FTO: variants seen among roughly 807,000 people sequenced by gnomAD.
The protein encoded by FTO is alpha-ketoglutarate-dependent dioxygenase FTO.
FTO carries 47 observed loss-of-function variants against 63.9 expected under a neutral mutation model. The ratio of observed to expected loss-of-function variants is 0.74; its 90% CI spans 0.58 to 0.94. The LOEUF (loss-of-function observed/expected upper bound fraction) is 0.94, where lower values mean the gene tolerates loss of function less well. FTO is among the 40% of genes least tolerant of loss of function. The pLI, the probability that FTO is intolerant of heterozygous loss-of-function variation, is 0.00. For missense variants in FTO, 562 were observed against 618.1 expected (o/e 0.91, Z 0.96); for synonymous variants, 207 against 224.4 (o/e 0.92, Z 0.69).
At chr16:53,806,860 T>G (rs756280566) in intron 1 of FTO, among the ~76,000 whole-genome samples, 1 of 152,170 alleles carries the variant, frequency 6.6e-6, no homozygotes, top group Non-Finnish European at 1.5e-5. Context: ...TGCATTTGAA[T>G]TTTGAAAGGA....
intron 8 of FTO, chr16:53,985,098 G>A (rs1283388698): frequency 5.3e-6 from 2 of 377,852 alleles, no homozygotes; most frequent in Non-Finnish European, 1.1e-5. Flanking sequence ...TGTGTAGGGA[G>A]GGGCTGGGGG....
chr16:53,717,785 G>A (rs560952411), intron 1 of FTO, among the ~76,000 whole-genome samples: 126 of 151,990 alleles, frequency 8.3e-4, no homozygotes, highest in African/African-American at 2.9e-3. Flanking sequence ...ATCAGATATC[G>A]CTGCCTGCAT....
intron 8 of FTO, among the ~76,000 whole-genome samples, chr16:54,068,905 G>A (rs1181416071): frequency 6.6e-6 from 1 of 152,056 alleles, no homozygotes; most frequent in Non-Finnish European, 1.5e-5. Flanking sequence ...CACCCTTCTC[G>A]GGGCCAGGCA....
At chr16:53,704,039 G>C, upstream of FTO, 2 of 871,596 alleles carry the variant, frequency 2.3e-6, no homozygotes, top group Non-Finnish European at 3.8e-6. Context: ...TCGCCGCGGT[G>C]CATCCTGGGA....
chr16:54,040,143 A>G (rs1349196291), intron 8 of FTO: 3 of 152,254 alleles, frequency 2.0e-5, no homozygotes, highest in Non-Finnish European at 4.4e-5. Context: ...TGAATTTAAA[A>G]TAATCCTTTT....
At position 53,975,019 on chromosome 16, in the gene FTO, A is replaced by G. The variant is rs576962492; in HGVS notation, c.1364+40910A>G. 2.2e-4 allele frequency among the ~76,000 whole-genome samples: 34 copies of G among 152,130 alleles called. No individual in the cohort carries two copies. In the South Asian group the frequency reaches 6.6e-3, roughly 30 times the overall value. On this transcript the variant is annotated intron_variant, in intron 8 of 8. Coordinates refer to ENST00000471389, the MANE Select transcript of FTO (RefSeq NM_001080432.3). Reference sequence around the variant, plus strand: ...GAGTTGTTTGTGTATTTAATACTAGAGATTTGTTTTTATATGTATATATAT... The same window carrying G: ...GAGTTGTTTGTGTATTTAATACTAGGGATTTGTTTTTATATGTATATATAT...
intron 8 of FTO, among the ~76,000 whole-genome samples, chr16:53,951,869 G>T (rs1003954922): frequency 6.6e-6 from 1 of 151,762 alleles, no homozygotes; most frequent in African/African-American, 2.4e-5. Context: ...TAATGTGGGT[G>T]GTTCATGGAT....
intron 1 of FTO, among the ~76,000 whole-genome samples, chr16:53,788,400 C>T (rs971019065): frequency 1.3e-5 from 2 of 151,922 alleles, no homozygotes; most frequent in African/African-American, 4.8e-5. Flanking sequence ...GCCAGGAGTA[C>T]GAGACCAGCC....
intron 7 of FTO, among the ~76,000 whole-genome samples, chr16:53,903,209 G>C (rs1195694654): frequency 6.6e-6 from 1 of 151,796 alleles, no homozygotes; most frequent in Non-Finnish European, 1.5e-5. Context: ...TTCCCAAGAG[G>C]CTAGCACTAT....
chr16:54,069,236 G>A (rs1385301190), intron 8 of FTO, among the ~76,000 whole-genome samples: 2 of 152,118 alleles, frequency 1.3e-5, no homozygotes, highest in Non-Finnish European at 1.5e-5. Context: ...CCAGGGCCTC[G>A]TTGACCTTCA....
intron 2 of FTO, among the ~76,000 whole-genome samples, chr16:53,819,047 A>G (rs1194585296): frequency 6.6e-6 from 1 of 152,210 alleles, no homozygotes; most frequent in African/African-American, 2.4e-5. Flanking sequence ...TCCTAATTGC[A>G]CGCTATCAGA....
chr16:54,055,285 A>T (rs2085405935), intron 8 of FTO, among the ~76,000 whole-genome samples: 1 of 152,100 alleles, frequency 6.6e-6, no homozygotes, highest in Admixed American at 6.5e-5. Context: ...CTGTTTTGAG[A>T]CTCTGAGCAG....
At position 53,839,802 on chromosome 16, in the gene FTO, TATTTATTTATTTATTTA is replaced by T. The variant is rs760876594; in HGVS notation, c.752-4352_752-4336del. Among the ~76,000 whole-genome samples the T allele has an allele frequency of 4.2e-4, 45 of 106,680 alleles. No individual in the cohort carries two copies. The South Asian group carries it at 4.4e-3, about 10-fold the overall frequency. 70.0% of individuals were successfully genotyped at this position (106,680 alleles called of 152,430 possible). ...TTATTTATTTATTTATTTATTTATT[TATTTATTTATTTATTTA>T]TTTTAAGGTGCAGTGTCACTATGTC... On this transcript the variant is annotated intron_variant, in intron 3 of 8. Coordinates refer to ENST00000471389, the MANE Select transcript of FTO (RefSeq NM_001080432.3).
At chr16:53,757,311 A>T (rs919978062) in intron 1 of FTO, among the ~76,000 whole-genome samples, 4 of 152,082 alleles carry the variant, frequency 2.6e-5, no homozygotes, top group Non-Finnish European at 4.4e-5. Flanking sequence ...TGTACAAGAG[A>T]TCTCTTGAAC....
chr16:53,943,588 T>C (rs2082587145), intron 8 of FTO, among the ~76,000 whole-genome samples: 1 of 152,222 alleles, frequency 6.6e-6, no homozygotes, highest in East Asian at 1.9e-4. Context: ...ATGGAGCTTA[T>C]ATTCTAGTGG....
Position 54,118,176 on chromosome 16 carries a change from G to A in FTO, c.*6261G>A, listed in dbSNP as rs2086984635. 1 of 152,122 alleles carries A rather than the reference G, an allele frequency of 6.6e-6. No individual in the cohort carries two copies. Among genetic ancestry groups the A allele is most frequent in the Admixed American group, 6.6e-5 (1 of 15,260 alleles). The allele number at this position is 152,122 out of a possible 1,614,324, so 9.4% of individuals were successfully genotyped here. A position where few individuals can be genotyped will look rare whatever the true frequency, so the allele number is the denominator to read the frequency against. On this transcript the variant is annotated 3_prime_UTR_variant, in exon 9 of 9. Transcript: ENST00000471389. Reference sequence around the variant, plus strand: ...GATCTGGTAAATGCGGTAGTTTCCTGCTGAGAGATGGGAAGTGCTGGCCTA... The same window carrying A: ...GATCTGGTAAATGCGGTAGTTTCCTACTGAGAGATGGGAAGTGCTGGCCTA...
intron 7 of FTO, among the ~76,000 whole-genome samples, chr16:53,917,059 T>A (rs2081888486): frequency 6.6e-6 from 1 of 152,184 alleles, no homozygotes; most frequent in East Asian, 1.9e-4. Context: ...AACCCTAGTC[T>A]GTCAGTGAAA....
chr16:53,808,407 C>T (rs1312642697), intron 1 of FTO, among the ~76,000 whole-genome samples: 3 of 152,044 alleles, frequency 2.0e-5, no homozygotes, highest in Non-Finnish European at 4.4e-5. Context: ...CACCTATAGT[C>T]AAAACAAAGG....
At chr16:54,003,750 C>G (rs192787490) in intron 8 of FTO, among the ~76,000 whole-genome samples, 15 of 152,214 alleles carry the variant, frequency 9.9e-5, no homozygotes, top group African/African-American at 2.6e-4. Context: ...CATCTAAACT[C>G]TTATTTAACC....
Sources: allele counts gnomAD v4.1 joint callset (sites outside exome capture counted in the v4.1 genomes callset), GRCh38; gene constraint gnomAD v4.1.1; transcripts MANE v1.5; gene names NCBI Gene and HGNC (gene_info 2026-07-23, HGNC 2026-07-21).